The following RARB variants were observed in gnomAD, a reference collection of about 807,000 sequenced individuals.
RARB encodes HBV-activated protein.
In RARB, 17 loss-of-function variants were observed where a neutral mutation model predicts 51.9. The observed-to-expected ratio is 0.33, with a 90% confidence interval of 0.22 to 0.49. RARB has a LOEUF of 0.49. Ranked by LOEUF, RARB falls within the 20% of genes least tolerant of loss-of-function variation. The pLI is 0.99. For missense variants in RARB, 369 were observed against 550.8 expected (o/e 0.67, Z 3.30); for synonymous variants, 215 against 195.4 (o/e 1.10, Z -0.84).
intron 4 of RARB, among the ~76,000 whole-genome samples, chr3:25,137,371 G>C (rs1419578958): frequency 6.6e-6 from 1 of 151,966 alleles, no homozygotes; most frequent in East Asian, 1.9e-4. Flanking sequence ...TGTGATTTTT[G>C]TTCCCTTCTC....
chr3:25,544,567 C>A (rs373267617), intron 3 of RARB, among the ~76,000 whole-genome samples: 13 of 152,282 alleles, frequency 8.5e-5, no homozygotes, highest in Middle Eastern at 3.4e-3. Context: ...GCTGAACACA[C>A]CAAAAAATCC....
At chr3:24,976,016 G>A (rs141550790) in intron 2 of RARB, among the ~76,000 whole-genome samples, 616 of 152,198 alleles carry the variant, frequency 4.0e-3, no homozygotes, top group African/African-American at 0.014. Context: ...GAGAACATGC[G>A]GTGTTTGGTT....
chr3:25,097,088 G>A (rs1283760875), intron 3 of RARB, among the ~76,000 whole-genome samples: 6 of 152,152 alleles, frequency 3.9e-5, no homozygotes. Flanking sequence ...ATGGGTGCAA[G>A]TGACTTGAAA....
intron 2 of RARB, among the ~76,000 whole-genome samples, chr3:25,015,350 G>A (rs934413753): frequency 3.3e-5 from 5 of 152,074 alleles, no homozygotes; most frequent in African/African-American, 4.8e-5. Context: ...TCTTAGATGC[G>A]AGGAATACTT....
At chr3:25,362,334 TC>T (rs780918839) in intron 5 of RARB, among the ~76,000 whole-genome samples, 1 of 152,176 alleles carries the variant, frequency 6.6e-6, no homozygotes, top group South Asian at 2.1e-4. Context: ...TGGACGCCCC[TC>T]CCCCGACCAA....
intron 5 of RARB, among the ~76,000 whole-genome samples, chr3:25,201,394 TC>T (rs1419827312): frequency 2.6e-5 from 4 of 152,090 alleles, no homozygotes; most frequent in African/African-American, 9.7e-5. Context: ...AATTTGACTT[TC>T]CCTTTTCCTG....
At chr3:25,397,347 G>A (rs1358070024) in intron 5 of RARB, among the ~76,000 whole-genome samples, 2 of 39,662 alleles carry the variant, frequency 5.0e-5, no homozygotes, top group African/African-American at 7.4e-5. Context: ...TTCAGAAGTG[G>A]ACTTCCCCCA....
intron 1 of RARB, among the ~76,000 whole-genome samples, chr3:25,440,065 G>T (rs1708596918): frequency 6.6e-6 from 1 of 150,456 alleles, no homozygotes; most frequent in Non-Finnish European, 1.5e-5. Flanking sequence ...GAAAGCCTAA[G>T]ATCAGTCTTA....
intron 5 of RARB, among the ~76,000 whole-genome samples, chr3:25,250,234 G>A (rs1702678285): frequency 6.6e-6 from 1 of 152,142 alleles, no homozygotes; most frequent in Non-Finnish European, 1.5e-5. Context: ...GGATGGGGCA[G>A]GGTGATCCCC....
At chr3:25,335,777 G>T (rs1346276408) in intron 5 of RARB, among the ~76,000 whole-genome samples, 1 of 152,176 alleles carries the variant, frequency 6.6e-6, no homozygotes, top group African/African-American at 2.4e-5. Flanking sequence ...CATCTATTAT[G>T]ATCTCTGCTA....
rs150690905 is a variant in RARB at position 25,149,631 on chromosome 3, T to G, written c.-280+17423T>G. Reference sequence around the variant, plus strand: ...ATCACCCTCTACTATTTAAATTGTTTCTTTCTGTCTCCCACTCACCTCCCA... The same window carrying G: ...ATCACCCTCTACTATTTAAATTGTTGCTTTCTGTCTCCCACTCACCTCCCA... On this transcript the variant is annotated intron_variant, in intron 4 of 11. Coordinates refer to the RARB transcript ENST00000383772. Among the ~76,000 whole-genome samples the G allele has an allele frequency of 4.6e-5, 7 of 152,336 alleles. No homozygotes were observed. The East Asian group carries it at 1.4e-3, about 29-fold the overall frequency.
intron 5 of RARB, among the ~76,000 whole-genome samples, chr3:25,300,303 C>A (rs1276969404): frequency 1.3e-5 from 2 of 152,208 alleles, no homozygotes; most frequent in African/African-American, 4.8e-5. Flanking sequence ...AAATGTGGCA[C>A]ACTGTCTAGA....
intron 5 of RARB, among the ~76,000 whole-genome samples, chr3:25,354,609 C>T (rs1468697637): frequency 6.6e-6 from 1 of 152,120 alleles, no homozygotes; most frequent in Admixed American, 6.6e-5. Flanking sequence ...TGAACTTACT[C>T]GGCTCCCCTC....
intron 4 of RARB, among the ~76,000 whole-genome samples, chr3:25,173,685 T>C (rs1700686390): frequency 6.6e-6 from 1 of 152,234 alleles, no homozygotes. Context: ...ATTCAACTAA[T>C]ACATACTCAG....
chr3:25,148,434 A>G (rs1700229171), intron 4 of RARB, among the ~76,000 whole-genome samples: 1 of 152,230 alleles, frequency 6.6e-6, no homozygotes, highest in Non-Finnish European at 1.5e-5. Flanking sequence ...ATTCTATTGA[A>G]TCAGTGAATG....
chr3:25,292,176 T>G (rs922665001), intron 5 of RARB, among the ~76,000 whole-genome samples: 1 of 152,110 alleles, frequency 6.6e-6, no homozygotes, highest in Non-Finnish European at 1.5e-5. Context: ...GTAGGAGAAT[T>G]TGACAAATTA....
intron 3 of RARB, among the ~76,000 whole-genome samples, chr3:25,099,628 A>C (rs946704238): frequency 1.3e-5 from 2 of 152,024 alleles, no homozygotes; most frequent in Non-Finnish European, 2.9e-5. Flanking sequence ...AAAAAAAAAA[A>C]AAAAAAACTT....
At chr3:24,892,593 T>C (rs1287333971) in intron 2 of RARB, among the ~76,000 whole-genome samples, 2 of 152,228 alleles carry the variant, frequency 1.3e-5, no homozygotes, top group Non-Finnish European at 2.9e-5. Context: ...AACATATTCA[T>C]TTCTTTCTCA....
chr3:25,452,401 C>T (rs997099571), intron 1 of RARB, among the ~76,000 whole-genome samples: 1 of 134,038 alleles, frequency 7.5e-6, no homozygotes, highest in Non-Finnish European at 1.6e-5. Context: ...TGGCCGTAAG[C>T]CCAGACAGGT....
Sources: allele counts gnomAD v4.1 joint callset (sites outside exome capture counted in the v4.1 genomes callset), GRCh38; gene constraint gnomAD v4.1.1; transcripts MANE v1.5; gene names NCBI Gene and HGNC (gene_info 2026-07-23, HGNC 2026-07-21).